The following DST variants were observed in gnomAD, a reference collection of about 807,000 sequenced individuals.
DST encodes the protein bullous pemphigoid antigen.
DST carries 253 observed loss-of-function variants against 875.2 expected under a neutral mutation model. The ratio of observed to expected loss-of-function variants is 0.29; its 90% CI spans 0.26 to 0.32. DST has a LOEUF of 0.32. Among genes scored for constraint, DST ranks in the 10% least tolerant of loss-of-function variants. The pLI, the probability that DST is intolerant of heterozygous loss-of-function variation, is 1.00. For synonymous variants in DST, 3,124 were observed against 3,197.1 expected (o/e 0.98, Z 0.77); for missense variants, 8,287 against 9,111.6 (o/e 0.91, Z 3.68).
chr6:56,626,479 AG>A (rs2098736087), intron 34 of DST, among the ~76,000 whole-genome samples: 1 of 152,066 alleles, frequency 6.6e-6, no homozygotes, highest in Admixed American at 6.5e-5. Context: ...ATAGTCTAGG[AG>A]CAAGAGGCTG....
At chr6:56,673,278 A>C (rs1432328410) in intron 9 of DST, among the ~76,000 whole-genome samples, 1 of 152,138 alleles carries the variant, frequency 6.6e-6, no homozygotes, top group South Asian at 2.1e-4. Context: ...AAAACAAAAA[A>C]AGAAATAAAA....
In DST at chr6:56,682,916, C is replaced by T. The variant is rs58481041; in HGVS notation, c.1048-12109G>A. On this transcript the variant is annotated intron_variant, in intron 9 of 103. Coordinates refer to ENST00000680361, the MANE Select transcript of DST (RefSeq NM_001374736.1). ...GGAACCAAAGCAACCAGTGCTGGAA[C>T]TCTCAAATGATAAAAGGATGAGTTA... is the stretch of plus-strand genomic sequence containing the variant. Among the ~76,000 whole-genome samples, 1,342 of 152,294 alleles carry T rather than the reference C, an allele frequency of 8.8e-3. 19 individuals are homozygous for T. The highest frequency in any genetic ancestry group is 0.031 in the African/African-American group (1,276 of 41,556).
chr6:56,711,034 T>C lies in DST; in HGVS notation c.688-6665A>G, dbSNP rs2099361254. ...GAGTTTTTTTTTTAATCCACATTGG[T>C]ACTAGGTGGTACAAATAATGTGTCT... On this transcript the variant is annotated intron_variant, in intron 5 of 103. Coordinates refer to ENST00000680361, the MANE Select transcript of DST (RefSeq NM_001374736.1). Among the ~76,000 whole-genome samples, 4 of 152,202 alleles carry C rather than the reference T, an allele frequency of 2.6e-5. No homozygotes were observed. In the South Asian group the frequency reaches 8.3e-4, roughly 32 times the overall value.
At chr6:56,612,972 T>C (rs1319842590) in intron 37 of DST, among the ~76,000 whole-genome samples, 1 of 152,120 alleles carries the variant, frequency 6.6e-6, no homozygotes, top group Non-Finnish European at 1.5e-5. Flanking sequence ...GCGGCTCCAG[T>C]GAGCTGTGAT....
rs117890307 is a variant in DST, at chr6:56,698,724, G to T, written c.1047+929C>A. Among the ~76,000 whole-genome samples, 110 of 152,364 alleles carry T rather than the reference G, an allele frequency of 7.2e-4. 3 individuals carry two copies. The East Asian group carries it at 9.2e-3, about 13-fold the overall frequency. On this transcript the variant is annotated intron_variant, in intron 9 of 103. Coordinates refer to ENST00000680361, the MANE Select transcript of DST (RefSeq NM_001374736.1). Reference sequence around the variant, plus strand: ...TCCTCCTTCAAGATCCAACTGTACAGTAATCTATTGGTAAGATGTACTGAG... The same window carrying T: ...TCCTCCTTCAAGATCCAACTGTACATTAATCTATTGGTAAGATGTACTGAG...
chr6:56,828,046 G>A (rs946378923), intron 4 of DST, among the ~76,000 whole-genome samples: 1 of 152,062 alleles, frequency 6.6e-6, no homozygotes, highest in African/African-American at 2.4e-5. Context: ...TGTTAGAACT[G>A]ATGCATGTAG....
intron 93 of DST, among the ~76,000 whole-genome samples, chr6:56,473,468 T>C (rs562511539): frequency 6.6e-6 from 1 of 152,302 alleles, no homozygotes; most frequent in African/African-American, 2.4e-5. Flanking sequence ...AGCTATGAGA[T>C]TGCTGGTCAC....
intron 2 of DST, among the ~76,000 whole-genome samples, chr6:56,947,961 C>G (rs1331748403): frequency 3.0e-5 from 1 of 32,946 alleles, no homozygotes; most frequent in Non-Finnish European, 8.3e-5. Context: ...ACAAACACAC[C>G]TATGATAAAG....
rs567020753 is a variant in DST, at chr6:56,607,509, G to A, written c.7119C>T (p.Ser2373=). 6.3e-7 allele frequency: 1 copy of A among 1,599,080 alleles called. No homozygotes were observed. Among genetic ancestry groups the A allele is most frequent in the South Asian group, 1.1e-5 (1 of 89,652 alleles). The change falls in exon 40 of 104, where the codon AGC becomes AGT. Residue 2373 remains serine, a synonymous_variant. Transcript: ENST00000680361. Reference sequence around the variant, plus strand: ...TTGCACGTTCATTTGTTTCCACTCGGCTTTGATTTTCATAGTTTGTAAGTA... The same window carrying A: ...TTGCACGTTCATTTGTTTCCACTCGACTTTGATTTTCATAGTTTGTAAGTA... ...ENILTNYENQ[S]RVETNERANE...
At chr6:56,499,904 T>A (rs2096064324) in intron 80 of DST, among the ~76,000 whole-genome samples, 1 of 152,156 alleles carries the variant, frequency 6.6e-6, no homozygotes, top group Non-Finnish European at 1.5e-5. Context: ...ATTAGGGCTT[T>A]AAGCAAATGT....
rs138864657 is a variant in DST, at chr6:56,735,556, T to TCACCACCACCACCAC, written c.626-282_626-268dup. Among the ~76,000 whole-genome samples the TCACCACCACCACCAC allele has an allele frequency of 0.21, 31,102 of 151,092 alleles. 3,928 individuals are homozygous for TCACCACCACCACCAC. Among genetic ancestry groups the TCACCACCACCACCAC allele is most frequent in the African/African-American group, 0.35 (14,189 of 40,820 alleles). ...TGCCCCTCTGTCCCATAACCCCTCA[T>TCACCACCACCACCAC]CACCACCACCACCACCATGAAGTTG... On this transcript the variant is annotated intron_variant, in intron 4 of 103. Transcript: ENST00000680361.
chr6:56,841,478 A>C (rs1395196090), intron 4 of DST, among the ~76,000 whole-genome samples: 1 of 152,190 alleles, frequency 6.6e-6, no homozygotes, highest in Non-Finnish European at 1.5e-5. Flanking sequence ...CAGATCTTTA[A>C]TTTCCTTTTA....
At chr6:56,531,797 G>C (rs911865459) in intron 64 of DST, among the ~76,000 whole-genome samples, 9 of 152,052 alleles carry the variant, frequency 5.9e-5, no homozygotes, top group African/African-American at 2.2e-4. Flanking sequence ...CAGGCTCTAG[G>C]CTTCCTAGCC....
Position 56,954,724 on chromosome 6 carries a change from G to A in DST, c.-137C>T, listed in dbSNP as rs1824338894. On this transcript the variant is annotated 5_prime_UTR_variant, in exon 1 of 104. Coordinates refer to ENST00000680361, the MANE Select transcript of DST (RefSeq NM_001374736.1). Reference sequence around the variant, plus strand: ...TCATGCCTGGCGCTCGCGGCCCCGCGCCCAGCCCAATGGCTGCGCACCCCG... The same window carrying A: ...TCATGCCTGGCGCTCGCGGCCCCGCACCCAGCCCAATGGCTGCGCACCCCG... 2 of 389,300 alleles carry A rather than the reference G, an allele frequency of 5.1e-6. No homozygotes were observed. The highest frequency in any genetic ancestry group is 2.2e-5 in the African/African-American group (1 of 45,532). 24.1% of individuals were successfully genotyped at this position (389,300 alleles called of 1,614,324 possible). A position where few individuals can be genotyped will look rare whatever the true frequency, so the allele number is the denominator to read the frequency against.
intron 3 of DST, among the ~76,000 whole-genome samples, chr6:56,878,790 G>A (rs555788127): frequency 5.3e-5 from 8 of 152,180 alleles, no homozygotes; most frequent in African/African-American, 1.7e-4. Context: ...AACCAACCAC[G>A]TCTTTTGCCA....
intron 3 of DST, among the ~76,000 whole-genome samples, chr6:56,880,922 A>ACTGAAAG (rs1229595125): frequency 7.9e-6 from 1 of 126,056 alleles, no homozygotes; most frequent in Non-Finnish European, 1.5e-5. Flanking sequence ...ATCTCGGCTC[A>ACTGAAAG]CTGAAAGCTC....
At position 56,606,744 on chromosome 6, in the gene DST, A is replaced by G. The variant is rs750360330; in HGVS notation, c.7884T>C (p.Leu2628=). Residue 2628 remains leucine (L), a synonymous_variant, in exon 40 of 104, where the codon CTT becomes CTC. Coordinates refer to ENST00000680361, the MANE Select transcript of DST (RefSeq NM_001374736.1). ...GCAGGCAATCACGATCATCACCATC[A>G]AGAAGCAAAGAATCATGGTCATCAT... is the stretch of plus-strand genomic sequence containing the variant. The part of the protein sequence containing the change: ...FEDDDHDSLL[L]DGDDRDCLHP... 3 of 1,613,374 alleles carry G rather than the reference A, an allele frequency of 1.9e-6. No individual in the cohort carries two copies. Among genetic ancestry groups the G allele is most frequent in the South Asian group, 1.1e-5 (1 of 91,078 alleles).
rs183673396 is a variant in DST, at chr6:56,570,724, T to C, written c.13722-712A>G. Among the ~76,000 whole-genome samples, 5 of 152,268 alleles carry C rather than the reference T, an allele frequency of 3.3e-5. No homozygotes were observed. In the East Asian group the frequency reaches 9.6e-4, roughly 29 times the overall value. On this transcript the variant is annotated intron_variant, in intron 53 of 103. Coordinates refer to ENST00000680361, the MANE Select transcript of DST (RefSeq NM_001374736.1). ...TGGTCTATTTTTCAGGCAAGGTTCATTGATAAAGATAGGAGTATTCAAGAA... is the reference window on the plus strand; with the variant it reads ...TGGTCTATTTTTCAGGCAAGGTTCACTGATAAAGATAGGAGTATTCAAGAA...
chr6:56,566,821 T>C (rs190127293), intron 55 of DST, among the ~76,000 whole-genome samples: 1 of 152,336 alleles, frequency 6.6e-6, no homozygotes, highest in Non-Finnish European at 1.5e-5. Flanking sequence ...GGTGTTATCA[T>C]GGGCTTAATG....
Sources: allele counts gnomAD v4.1 joint callset (sites outside exome capture counted in the v4.1 genomes callset), GRCh38; gene constraint gnomAD v4.1.1; transcripts MANE v1.5; gene names NCBI Gene and HGNC (gene_info 2026-07-23, HGNC 2026-07-21).